The following CDH22 variants were observed in gnomAD, a reference collection of about 807,000 sequenced individuals.
The protein encoded by CDH22 is cadherin-22.
CDH22 carries 30 observed loss-of-function variants against 58.4 expected under a neutral mutation model. That is an observed-to-expected ratio of 0.51 (90% CI 0.38 to 0.70). The LOEUF is 0.70. CDH22 is among the 30% of genes least tolerant of loss of function. The pLI is 0.00. For synonymous variants in CDH22, 513 were observed against 558.2 expected, an observed-to-expected ratio of 0.92 and a Z score of 1.14; for missense variants, 1,014 against 1,233.9, an observed-to-expected ratio of 0.82 and a Z score of 2.67.
chr20:46,239,582 C>T (rs1163030035), intron 3 of CDH22, among the ~76,000 whole-genome samples: 1 of 152,252 alleles, frequency 6.6e-6, no homozygotes, highest in Non-Finnish European at 1.5e-5. Flanking sequence ...GGAGCTCAAG[C>T]ACTCCTGGCC....
intron 3 of CDH22, among the ~76,000 whole-genome samples, chr20:46,240,198 C>A (rs1261937057): frequency 6.6e-6 from 1 of 152,082 alleles, no homozygotes; most frequent in Non-Finnish European, 1.5e-5. Flanking sequence ...CTGTCTGCGG[C>A]TGCACACCAG....
At chr20:46,188,202 T>A (rs1300143250) in intron 8 of CDH22, among the ~76,000 whole-genome samples, 2 of 152,180 alleles carry the variant, frequency 1.3e-5, no homozygotes, top group Non-Finnish European at 2.9e-5. Context: ...CCTGACCCAG[T>A]GTTTGGTCTT....
At chr20:46,246,641 C>A (rs1473700285) in intron 2 of CDH22, among the ~76,000 whole-genome samples, 1 of 152,012 alleles carries the variant, frequency 6.6e-6, no homozygotes, top group Non-Finnish European at 1.5e-5. Context: ...TGTGTGGGGC[C>A]TTGGCGACAA....
intron 1 of CDH22, among the ~76,000 whole-genome samples, chr20:46,257,372 G>A (rs1434102360): frequency 1.3e-5 from 2 of 152,148 alleles, no homozygotes; most frequent in African/African-American, 2.4e-5. Flanking sequence ...GGAGCCTATG[G>A]CAATATTTCA....
intron 1 of CDH22, among the ~76,000 whole-genome samples, chr20:46,257,876 A>C (rs189868866): frequency 6.4e-4 from 97 of 152,290 alleles, no homozygotes; most frequent in African/African-American, 2.3e-3. Flanking sequence ...ATGAGGAGGA[A>C]ACAGCAAGAG....
chr20:46,250,204 T>TTTCATTCATTCA (rs3091437), intron 2 of CDH22, among the ~76,000 whole-genome samples: 2 of 151,816 alleles, frequency 1.3e-5, no homozygotes, highest in African/African-American at 4.8e-5. Flanking sequence ...GAGAAAGTAG[T>TTTCATTCATTCA]TTCATTCATT....
chr20:46,177,818 A>T, intron 11 of CDH22, 128 bp downstream of exon 11: 2 of 1,197,498 alleles, frequency 1.7e-6, no homozygotes, highest in Non-Finnish European at 2.3e-6. Flanking sequence ...GAGCTTGGAG[A>T]TGGTTTGGCC....
At position 46,186,643 on chromosome 20, in the gene CDH22, G is replaced by C; in HGVS notation, c.1608C>G (p.Phe536Leu). 1 of 1,613,548 alleles carries C rather than the reference G, an allele frequency of 6.2e-7. No individual in the cohort carries two copies. Among genetic ancestry groups the C allele is most frequent in the Non-Finnish European group, 8.5e-7 (1 of 1,180,004 alleles). ...TGCTGGGAGCTTCAGGCACCAGGCG[G>C]AAATAGAAGCGGTGCCCGCCTTGGG... ...DEPQGGHRFY[F>L]RLVPEAPSNP... Residue 536 changes from phenylalanine (F) to leucine (L), a missense_variant, in exon 10 of 12, where the codon TTC (phenylalanine) becomes TTG (leucine). Phe to Leu is a conservative substitution (Grantham distance 22). Transcript: ENST00000537909.
At chr20:46,265,976 A>T (rs1055073130) in intron 1 of CDH22, among the ~76,000 whole-genome samples, 1 of 150,510 alleles carries the variant, frequency 6.6e-6, no homozygotes, top group African/African-American at 2.5e-5. Context: ...ACACACATTG[A>T]TCCCAGCTCC....
chr20:46,190,902 G>T (rs1190693298), intron 8 of CDH22, among the ~76,000 whole-genome samples: 1 of 152,188 alleles, frequency 6.6e-6, no homozygotes, highest in Non-Finnish European at 1.5e-5. Flanking sequence ...GAACTGCTGT[G>T]CAGTGGGGCA....
chr20:46,182,430 T>C (rs1456307324), intron 10 of CDH22, among the ~76,000 whole-genome samples: 1 of 152,180 alleles, frequency 6.6e-6, no homozygotes, highest in African/African-American at 2.4e-5. Flanking sequence ...CACAGAGAAG[T>C]AGGCAGATTT....
intron 10 of CDH22, among the ~76,000 whole-genome samples, chr20:46,181,756 T>TTCCTTCCTTCCTTCCTTCCTTCC (rs1410990843): frequency 7.2e-4 from 20 of 27,674 alleles, no homozygotes; most frequent in African/African-American, 2.5e-3. Flanking sequence ...TCCTTCCTTC[T>TTCCTTCCTTCCTTCCTTCCTTCC]TTCTTTCTTT....
intron 1 of CDH22, among the ~76,000 whole-genome samples, chr20:46,263,572 C>T (rs561048200): frequency 1.3e-5 from 2 of 152,208 alleles, no homozygotes; most frequent in African/African-American, 2.4e-5. Context: ...GGGACACTAC[C>T]TCATTAGGGA....
chr20:46,276,616 C>A (rs1466450618), intron 1 of CDH22, among the ~76,000 whole-genome samples: 1 of 152,334 alleles, frequency 6.6e-6, no homozygotes, highest in East Asian at 1.9e-4. Flanking sequence ...GAGGAAGGAA[C>A]TGCTGGCATC....
chr20:46,198,772 C>T (rs750618350), intron 8 of CDH22, among the ~76,000 whole-genome samples: 5 of 152,210 alleles, frequency 3.3e-5, no homozygotes, highest in Non-Finnish European at 5.9e-5. Flanking sequence ...CAAATTACAC[C>T]GCAGGGCCTC....
chr20:46,233,956 G>C (rs1048373058), intron 3 of CDH22, among the ~76,000 whole-genome samples: 3 of 152,222 alleles, frequency 2.0e-5, no homozygotes, highest in African/African-American at 4.8e-5. Flanking sequence ...GCGGGCTGCT[G>C]AGCTACACTC....
chr20:46,185,941 A>G lies in CDH22; in HGVS notation c.1663+647T>C, dbSNP rs1005264874. On this transcript the variant is annotated intron_variant, in intron 10 of 11. Coordinates refer to ENST00000537909, the MANE Select transcript of CDH22 (RefSeq NM_021248.3). Reference sequence around the variant, plus strand: ...TTAAACTGCAGGGTGGGCTGGGCACAGTGGCTCATGCCTATAATCCCAGCA... The same window carrying G: ...TTAAACTGCAGGGTGGGCTGGGCACGGTGGCTCATGCCTATAATCCCAGCA... Among the ~76,000 whole-genome samples, 6 of 149,272 alleles carry G rather than the reference A, an allele frequency of 4.0e-5. No individual in the cohort carries two copies. The East Asian group carries it at 1.0e-3, about 25-fold the overall frequency.
chr20:46,240,907 G>T, intron 3 of CDH22, 56 bp downstream of exon 3: 2 of 1,475,034 alleles, frequency 1.4e-6, no homozygotes, highest in Non-Finnish European at 1.9e-6. Flanking sequence ...TTCCCAGCAG[G>T]CTCCACTTGG....
chr20:46,308,406 G>T lies in CDH22; in HGVS notation c.-551C>A, dbSNP rs1170287552. 7 of 211,214 alleles carry T rather than the reference G, an allele frequency of 3.3e-5. No individual in the cohort carries two copies. The highest frequency in any genetic ancestry group is 6.7e-5 in the Non-Finnish European group (7 of 104,406). 13.1% of individuals were successfully genotyped at this position (211,214 alleles called of 1,614,324 possible). On this transcript the variant is annotated 5_prime_UTR_variant, in exon 1 of 12. Coordinates refer to ENST00000537909, the MANE Select transcript of CDH22 (RefSeq NM_021248.3). This position sits in a 1 kb window ranked among gnomAD's most constrained non-coding sequence, Gnocchi z 4.3. Reference sequence around the variant, plus strand: ...CGGGAGCGAGAGGGGGAGCCGCGGCGGCGTGTGCGCGCGTGTGTGTGAGCG... The same window carrying T: ...CGGGAGCGAGAGGGGGAGCCGCGGCTGCGTGTGCGCGCGTGTGTGTGAGCG...
Sources: allele counts gnomAD v4.1 joint callset (sites outside exome capture counted in the v4.1 genomes callset), GRCh38; gene constraint gnomAD v4.1.1; non-coding constraint Gnocchi (gnomAD v3.1); transcripts MANE v1.5; gene names NCBI Gene and HGNC (gene_info 2026-07-23, HGNC 2026-07-21).